The following CCSER1 variants were observed in gnomAD, a reference collection of about 807,000 sequenced individuals.
CCSER1 encodes coiled-coil serine rich protein 1.
In CCSER1, 41 loss-of-function variants were observed where a neutral mutation model predicts 82.0. That is an observed-to-expected ratio of 0.50 (90% CI 0.39 to 0.65). The LOEUF is 0.65. Ranked by LOEUF, CCSER1 falls within the 30% of genes least tolerant of loss-of-function variation. The pLI is 0.00. For missense variants in CCSER1, 1,119 were observed against 1,064.2 expected (o/e 1.05, Z -0.72); for synonymous variants, 414 against 383.9 (o/e 1.08, Z -0.92).
At chr4:90,915,722 C>CAA (rs1727270541) in intron 8 of CCSER1, among the ~76,000 whole-genome samples, 1 of 101,708 alleles carries the variant, frequency 9.8e-6, no homozygotes, top group Non-Finnish European at 1.9e-5. Flanking sequence ...AGGAAGTCAT[C>CAA]TTGCCCTGTT....
chr4:90,812,294 G>A (rs1758454201), intron 7 of CCSER1, among the ~76,000 whole-genome samples: 1 of 152,074 alleles, frequency 6.6e-6, no homozygotes, highest in Admixed American at 6.6e-5. Context: ...TGACTCAAAT[G>A]TTAATCTCCA....
rs1296142271 is a variant in CCSER1 at position 91,132,736 on chromosome 4, A to G, written c.2217+46742A>G. On this transcript the variant is annotated intron_variant, in intron 10 of 10. Transcript: ENST00000509176. ...CATCTAAACATTTATGAAGTATTAGAAAAGTTTTATAAAAGTAGTAACATT... is the reference window on the plus strand; with the variant it reads ...CATCTAAACATTTATGAAGTATTAGGAAAGTTTTATAAAAGTAGTAACATT... 3.3e-5 allele frequency among the ~76,000 whole-genome samples: 5 copies of G among 152,192 alleles called. No individual in the cohort carries two copies. The East Asian group carries it at 9.6e-4, about 29-fold the overall frequency.
Position 91,599,338 on chromosome 4 carries a change from AATTT to A in CCSER1, c.*290_*293del, listed in dbSNP as rs562740884. On this transcript the variant is annotated 3_prime_UTR_variant, in exon 11 of 11. Coordinates refer to ENST00000509176, the MANE Select transcript of CCSER1 (RefSeq NM_001145065.2). ...CATCATGATCGTTTATATAGTCCATAATTTATTTATTTTTTATCTCTATCACTTA... is the reference window on the plus strand; with the variant it reads ...CATCATGATCGTTTATATAGTCCATAATTTATTTTTTATCTCTATCACTTA... The A allele has an allele frequency of 3.4e-3, 916 of 265,634 alleles. 9 individuals are homozygous for A. The highest frequency in any genetic ancestry group is 0.019 in the African/African-American group (857 of 45,438). 16.5% of individuals were successfully genotyped at this position (265,634 alleles called of 1,614,324 possible).
intron 1 of CCSER1, among the ~76,000 whole-genome samples, chr4:90,179,845 T>TA (rs1012599831): frequency 6.6e-6 from 1 of 152,036 alleles, no homozygotes; most frequent in African/African-American, 2.4e-5. Context: ...ATTACAAACA[T>TA]ACTTAAGAAC....
chr4:90,272,699 C>T (rs1726774393), intron 1 of CCSER1, among the ~76,000 whole-genome samples: 1 of 152,138 alleles, frequency 6.6e-6, no homozygotes, highest in African/African-American at 2.4e-5. Flanking sequence ...AAGTGTGGTA[C>T]ATATACAGCA....
intron 8 of CCSER1, among the ~76,000 whole-genome samples, chr4:90,915,959 G>A (rs554794752): frequency 5.1e-4 from 77 of 152,032 alleles, no homozygotes; most frequent in African/African-American, 1.7e-3. Context: ...ACTTACAAGG[G>A]GTGTGAAGGA....
chr4:91,598,612 C>A lies in CCSER1; in HGVS notation c.2258C>A (p.Thr753Lys). Residue 753 changes from threonine to lysine, a missense_variant, in exon 11 of 11, where the codon ACA becomes AAA. Transcript: ENST00000509176. ...CGAATTGTGAGCCAAAATCTCAGCA[C>A]AAGGGACAGAAAAGCAATACATACT... is the stretch of plus-strand genomic sequence containing the variant. ...RNRIVSQNLS[T>K]RDRKAIHTPT... 1 of 1,550,872 alleles carries A rather than the reference C, an allele frequency of 6.4e-7. No homozygotes were observed. The highest frequency in any genetic ancestry group is 8.7e-7 in the Non-Finnish European group (1 of 1,146,490).
intron 3 of CCSER1, among the ~76,000 whole-genome samples, chr4:90,392,311 T>G (rs1751317356): frequency 6.6e-6 from 1 of 152,056 alleles, no homozygotes; most frequent in South Asian, 2.1e-4. Context: ...AGTTTTAAAT[T>G]TTGTATGGAT....
intron 10 of CCSER1, among the ~76,000 whole-genome samples, chr4:91,232,536 T>C (rs1001073535): frequency 9.9e-5 from 15 of 151,754 alleles, no homozygotes; most frequent in African/African-American, 3.6e-4. Context: ...ATGCCTATAA[T>C]AACTAGTTGC....
At chr4:91,468,900 A>G (rs1329725520) in intron 10 of CCSER1, among the ~76,000 whole-genome samples, 2 of 152,158 alleles carry the variant, frequency 1.3e-5, no homozygotes, top group Non-Finnish European at 2.9e-5. Flanking sequence ...GCTATCATAA[A>G]TATGTCCATA....
chr4:90,750,648 T>G (rs1391469554), intron 7 of CCSER1, among the ~76,000 whole-genome samples: 1 of 152,172 alleles, frequency 6.6e-6, no homozygotes, highest in African/African-American at 2.4e-5. Context: ...GATATAGAGA[T>G]ATTTAGTATT....
intron 10 of CCSER1, among the ~76,000 whole-genome samples, chr4:91,404,845 G>A (rs978605177): frequency 5.9e-5 from 9 of 152,186 alleles, no homozygotes; most frequent in African/African-American, 2.2e-4. Context: ...TAAGTGCAAT[G>A]AGGTGATGAG....
chr4:91,553,024 T>G (rs569799204), intron 10 of CCSER1, among the ~76,000 whole-genome samples: 4 of 151,742 alleles, frequency 2.6e-5, no homozygotes, highest in Non-Finnish European at 4.4e-5. Context: ...TTGTATTATA[T>G]ATAAGACAGG....
chr4:91,284,888 C>T (rs1743163885), intron 10 of CCSER1, among the ~76,000 whole-genome samples: 1 of 151,950 alleles, frequency 6.6e-6, no homozygotes, highest in Non-Finnish European at 1.5e-5. Context: ...TGAATCACTT[C>T]AACAAAAAAT....
chr4:91,528,760 C>T (rs1760889480), intron 10 of CCSER1, among the ~76,000 whole-genome samples: 2 of 152,104 alleles, frequency 1.3e-5, no homozygotes. Flanking sequence ...GCTTTTTCTT[C>T]AGTGCTGTTT....
chr4:91,507,672 A>G (rs981951334), intron 10 of CCSER1, among the ~76,000 whole-genome samples: 4 of 151,726 alleles, frequency 2.6e-5, no homozygotes, highest in Middle Eastern at 3.2e-3. Flanking sequence ...TTACATATAT[A>G]TAACTTAATT....
intron 8 of CCSER1, among the ~76,000 whole-genome samples, chr4:90,881,228 A>G (rs896869611): frequency 8.5e-5 from 13 of 152,096 alleles, no homozygotes; most frequent in African/African-American, 3.1e-4. Flanking sequence ...CCACAATGCC[A>G]TCTTTCTCAT....
chr4:90,273,356 T>G (rs191357852), intron 1 of CCSER1, among the ~76,000 whole-genome samples: 170 of 152,174 alleles, frequency 1.1e-3, no homozygotes, highest in African/African-American at 4.0e-3. Flanking sequence ...TAAAGATAAT[T>G]GAAAGAATAT....
intron 10 of CCSER1, among the ~76,000 whole-genome samples, chr4:91,153,667 G>A (rs1032073119): frequency 6.6e-6 from 1 of 151,812 alleles, no homozygotes; most frequent in African/African-American, 2.4e-5. Context: ...TTTGATGATT[G>A]TGACATACCG....
Sources: gnomAD v4.1 joint callset for allele counts (sites outside exome capture counted in the v4.1 genomes callset) on GRCh38, gnomAD v4.1.1 for gene constraint, MANE v1.5 for transcripts, NCBI Gene and HGNC (gene_info 2026-07-23, HGNC 2026-07-21) for gene names.